Variants in TC2N observed in about 807,000 individuals in gnomAD.
TC2N encodes tandem C2 domains, nuclear.
TC2N carries 51 observed loss-of-function variants against 61.9 expected under a neutral mutation model. The observed-to-expected ratio is 0.82, with a 90% CI of 0.66 to 1.04. The LOEUF (loss-of-function observed/expected upper bound fraction) is 1.04. Among genes scored for constraint, TC2N ranks in the 50% least tolerant of loss-of-function variants. The pLI is 0.00. For missense variants in TC2N, 556 were observed against 566.7 expected (o/e 0.98, Z 0.19); for synonymous variants, 204 against 192.6 (o/e 1.06, Z -0.49).
intron 1 of TC2N, among the ~76,000 whole-genome samples, chr14:91,816,894 GTA>G (rs956834005): frequency 2.8e-4 from 42 of 151,712 alleles, no homozygotes; most frequent in African/African-American, 9.4e-4. Context: ...TGTACCAATG[GTA>G]TATCATTTTA....
rs79198980 is a variant in TC2N, at chr14:91,797,557, C to A, written c.855+228G>T. 4.8e-3 allele frequency among the ~76,000 whole-genome samples: 732 copies of A among 151,910 alleles called. 5 individuals are homozygous for A. Among genetic ancestry groups the A allele is most frequent in the African/African-American group, 0.017 (695 of 41,490 alleles). ...AGGTTTCTTAGATATTGTTAATCTT[C>A]TATATATTTTAGTGAATAAGATATT... On this transcript the variant is annotated intron_variant, in intron 8 of 11. Coordinates refer to ENST00000435962, the MANE Select transcript of TC2N (RefSeq NM_001128596.3).
At chr14:91,802,183 A>G (rs1886282312) in intron 4 of TC2N, 71 bp downstream of exon 4, 1 of 1,345,136 alleles carries the variant, frequency 7.4e-7, no homozygotes, top group Non-Finnish European at 9.9e-7. Flanking sequence ...ATTTATTCCC[A>G]TATCTTACAT....
chr14:91,795,586 T>C (rs1241199201), intron 8 of TC2N, among the ~76,000 whole-genome samples: 1 of 152,174 alleles, frequency 6.6e-6, no homozygotes, highest in African/African-American at 2.4e-5. Flanking sequence ...AGAAATAAAG[T>C]ATTTTAAATT....
chr14:91,785,300 G>A lies in TC2N; in HGVS notation c.1224C>T (p.Arg408=). The stretch of plus-strand genomic sequence containing the variant: ...CTCTTCCATTGGAGGCCTTCAGTAA[G>A]CGTGTCTTTTTCTTATAAATCAACT... ...SGELIYKKKT[R]LLKASNGRVK... The change falls in exon 11 of 12, where the codon CGC becomes CGT. Residue 408 remains arginine, a synonymous_variant. Coordinates refer to ENST00000435962, the MANE Select transcript of TC2N (RefSeq NM_001128596.3). The A allele has an allele frequency of 6.2e-7, 1 of 1,613,704 alleles. No homozygotes were observed. Among genetic ancestry groups the A allele is most frequent in the Non-Finnish European group, 8.5e-7 (1 of 1,179,814 alleles).
chr14:91,822,776 G>A (rs1188934742), intron 1 of TC2N, among the ~76,000 whole-genome samples: 2 of 149,622 alleles, frequency 1.3e-5, no homozygotes, highest in Non-Finnish European at 3.0e-5. Context: ...GTGCAGTGGC[G>A]TGATCTCTGC....
intron 1 of TC2N, among the ~76,000 whole-genome samples, chr14:91,832,833 T>C (rs1239970928): frequency 6.6e-6 from 1 of 152,152 alleles, no homozygotes; most frequent in Non-Finnish European, 1.5e-5. Context: ...GAAAACATCC[T>C]AAATATCCAT....
intron 8 of TC2N, among the ~76,000 whole-genome samples, chr14:91,794,526 GC>G (rs1430100629): frequency 3.9e-5 from 6 of 152,098 alleles, no homozygotes; most frequent in Admixed American, 6.6e-5. Flanking sequence ...AAATCCTAGG[GC>G]CCTTAAGTAT....
At chr14:91,817,060 C>G (rs1330068798) in intron 1 of TC2N, among the ~76,000 whole-genome samples, 1 of 151,924 alleles carries the variant, frequency 6.6e-6, no homozygotes, top group African/African-American at 2.4e-5. Context: ...TCTGATGGTA[C>G]TTTCATCAGG....
chr14:91,813,898 CATT>C, intron 1 of TC2N, 73 bp from the exon 2 acceptor site: 1 of 540,070 alleles, frequency 1.9e-6, no homozygotes. Context: ...AAATAAACCA[CATT>C]ATCTGTCTTT....
chr14:91,802,183 A>C, intron 4 of TC2N, 71 bp downstream of exon 4: 3 of 1,345,136 alleles, frequency 2.2e-6, no homozygotes, highest in Non-Finnish European at 3.0e-6. Context: ...ATTTATTCCC[A>C]TATCTTACAT....
intron 1 of TC2N, among the ~76,000 whole-genome samples, chr14:91,864,244 C>T (rs1372950399): frequency 6.6e-6 from 1 of 152,182 alleles, no homozygotes; most frequent in Non-Finnish European, 1.5e-5. Context: ...TACCAAGTTG[C>T]TCCTTACTTC....
intron 1 of TC2N, among the ~76,000 whole-genome samples, chr14:91,842,698 G>A (rs1888185712): frequency 6.6e-6 from 1 of 152,222 alleles, no homozygotes; most frequent in South Asian, 2.1e-4. Flanking sequence ...GAAATGGAAT[G>A]AAAATTAGGA....
intron 1 of TC2N, among the ~76,000 whole-genome samples, chr14:91,856,006 T>C (rs1244446181): frequency 6.6e-6 from 1 of 151,758 alleles, no homozygotes; most frequent in African/African-American, 2.4e-5. Flanking sequence ...GACTTCTGGG[T>C]TACAAATAAA....
intron 9 of TC2N, among the ~76,000 whole-genome samples, chr14:91,790,046 G>C (rs1885569962): frequency 6.6e-6 from 1 of 152,092 alleles, no homozygotes; most frequent in Admixed American, 6.5e-5. Context: ...CCCAACTACT[G>C]GCTGTATAAC....
intron 3 of TC2N, among the ~76,000 whole-genome samples, chr14:91,808,785 T>C (rs1390062045): frequency 6.6e-6 from 1 of 152,146 alleles, no homozygotes; most frequent in Non-Finnish European, 1.5e-5. Context: ...TTTTTTCTGA[T>C]TATGAAAATA....
rs1023639311 is a variant in TC2N at position 91,780,090 on chromosome 14, T to C, written c.*3010A>G. On this transcript the variant is annotated 3_prime_UTR_variant, in exon 12 of 12. Coordinates refer to ENST00000435962, the MANE Select transcript of TC2N (RefSeq NM_001128596.3). ...AATTTTGAATAAAAATTACAGCTTA[T>C]GCACCAAGATAACATTAGAAAGTGT... The C allele has an allele frequency of 2.6e-5, 4 of 152,226 alleles. No homozygotes were observed. Among genetic ancestry groups the C allele is most frequent in the Admixed American group, 1.3e-4 (2 of 15,288 alleles). The allele number at this position is 152,226 out of a possible 1,614,324, so 9.4% of individuals were successfully genotyped here. A position where few individuals can be genotyped will look rare whatever the true frequency, so the allele number is the denominator to read the frequency against.
chr14:91,848,829 C>A (rs1276355269), intron 1 of TC2N, among the ~76,000 whole-genome samples: 1 of 152,206 alleles, frequency 6.6e-6, no homozygotes, highest in African/African-American at 2.4e-5. Flanking sequence ...TTTGTTGCTG[C>A]AATGCTGTAT....
intron 3 of TC2N, among the ~76,000 whole-genome samples, chr14:91,807,534 C>T (rs1312495121): frequency 1.3e-5 from 2 of 152,210 alleles, no homozygotes; most frequent in Non-Finnish European, 2.9e-5. Context: ...GATTTGACTG[C>T]CCTGCTGGAT....
In TC2N at chr14:91,848,214, T is replaced by C. The variant is rs1275004561; in HGVS notation, c.-57+19048A>G. ...TCCCAAACCACATGGCTGCTGCTTA[T>C]GGGATAGAATGGATGTTGGGAAAGT... On this transcript the variant is annotated intron_variant, in intron 1 of 11. Coordinates refer to ENST00000435962, the MANE Select transcript of TC2N (RefSeq NM_001128596.3). Among the ~76,000 whole-genome samples the C allele has an allele frequency of 2.0e-5, 3 of 152,214 alleles. No homozygotes were observed. In the East Asian group the frequency reaches 5.8e-4, roughly 29 times the overall value.
Sources: allele counts gnomAD v4.1 joint callset (sites outside exome capture counted in the v4.1 genomes callset), GRCh38; gene constraint gnomAD v4.1.1; transcripts MANE v1.5; gene names NCBI Gene and HGNC (gene_info 2026-07-23, HGNC 2026-07-21).